The following TMEM132C variants were observed in gnomAD, a reference collection of about 807,000 sequenced individuals.
TMEM132C encodes the protein protein phosphatase 1, regulatory subunit 152.
In TMEM132C, 29 loss-of-function variants were observed where a neutral mutation model predicts 61.4. The ratio of observed to expected loss-of-function variants is 0.47; its 90% CI spans 0.35 to 0.64. The LOEUF is 0.64. Among genes scored for constraint, TMEM132C ranks in the 30% least tolerant of loss-of-function variants. TMEM132C has a pLI of 0.00. For missense variants in TMEM132C, 1,408 were observed against 1,476.9 expected (o/e 0.95, Z 0.76); for synonymous variants, 656 against 633.1 (o/e 1.04, Z -0.54).
At chr12:128,375,627 G>C (rs1190427699) in intron 1 of TMEM132C, among the ~76,000 whole-genome samples, 1 of 152,054 alleles carries the variant, frequency 6.6e-6, no homozygotes, top group Non-Finnish European at 1.5e-5. Flanking sequence ...TCGTGTTCCT[G>C]AACTAATTAC....
Position 128,449,547 on chromosome 12 carries a change from C to G in TMEM132C, c.974+33927C>G, listed in dbSNP as rs76498481. ...GATGACTTCTCCATTTGGACTGAAG[C>G]CAAGATGAAACCTCATCCTTGTCTG... On this transcript the variant is annotated intron_variant, in intron 2 of 8. Transcript: ENST00000435159. 2.2e-3 allele frequency among the ~76,000 whole-genome samples: 342 copies of G among 152,272 alleles called. 1 individual carries two copies. Among genetic ancestry groups the G allele is most frequent in the African/African-American group, 7.6e-3 (317 of 41,560 alleles).
At chr12:128,687,058 C>T (rs1426263019) in intron 5 of TMEM132C, among the ~76,000 whole-genome samples, 2 of 151,680 alleles carry the variant, frequency 1.3e-5, no homozygotes, top group Admixed American at 6.6e-5. Context: ...AAAAATTAGG[C>T]GGGCATGGTA....
rs1256661283 is a variant in TMEM132C at position 128,340,904 on chromosome 12, TTCTCTCTCTCTTTC to T, written c.85+73429_85+73442del. Among the ~76,000 whole-genome samples, 12 of 122,454 alleles carry T rather than the reference TTCTCTCTCTCTTTC, an allele frequency of 9.8e-5. 1 individual carries two copies. Among genetic ancestry groups the T allele is most frequent in the East Asian group, 4.7e-4 (2 of 4,282 alleles). The allele number at this position is 122,454 out of a possible 152,430, so 80.3% of individuals were successfully genotyped here. On this transcript the variant is annotated intron_variant, in intron 1 of 8. Transcript: ENST00000435159. ...TTTTTCTTTTTCTTTCTTTCTCTCT[TTCTCTCTCTCTTTC>T]TCTCTCTCTCTCTCTCTCTCTCTCT...
At chr12:128,669,278 A>G (rs1954506439) in intron 4 of TMEM132C, 139 bp from the exon 5 acceptor site, 2 of 860,154 alleles carry the variant, frequency 2.3e-6, no homozygotes, top group Non-Finnish European at 3.3e-6. Context: ...GTCCTGGTAC[A>G]GTATGTAAAT....
At chr12:128,361,210 C>T (rs1378976320) in intron 1 of TMEM132C, among the ~76,000 whole-genome samples, 6 of 152,068 alleles carry the variant, frequency 3.9e-5, no homozygotes, top group African/African-American at 1.2e-4. Context: ...CCTAGGTGGC[C>T]CAAGAATTTC....
chr12:128,569,196 G>A (rs1874794324), intron 3 of TMEM132C, among the ~76,000 whole-genome samples: 2 of 152,216 alleles, frequency 1.3e-5, no homozygotes, highest in Non-Finnish European at 2.9e-5. Flanking sequence ...ACAGTGAGCT[G>A]AGTTTGGGAC....
At chr12:128,361,069 C>T (rs1873693817) in intron 1 of TMEM132C, among the ~76,000 whole-genome samples, 1 of 152,136 alleles carries the variant, frequency 6.6e-6, no homozygotes, top group African/African-American at 2.4e-5. Context: ...GCTCATGGTG[C>T]AGGAGTTGGG....
intron 1 of TMEM132C, among the ~76,000 whole-genome samples, chr12:128,360,141 G>A (rs1368630162): frequency 6.6e-6 from 1 of 152,026 alleles, no homozygotes; most frequent in African/African-American, 2.4e-5. Context: ...CCAACATTGT[G>A]ATTGCTCTTG....
intron 2 of TMEM132C, among the ~76,000 whole-genome samples, chr12:128,525,402 C>G (rs1412911319): frequency 6.6e-6 from 1 of 151,818 alleles, no homozygotes; most frequent in East Asian, 1.9e-4. Context: ...ATGTTAATAG[C>G]TATAGCAACT....
At chr12:128,388,491 C>T (rs529477262) in intron 1 of TMEM132C, among the ~76,000 whole-genome samples, 33 of 152,380 alleles carry the variant, frequency 2.2e-4, no homozygotes, top group African/African-American at 7.2e-4. Context: ...CTTTTAACTG[C>T]TGTGTGTGCA....
At position 128,277,870 on chromosome 12, in the gene TMEM132C, T is replaced by C. The variant is rs145197782; in HGVS notation, c.85+10383T>C. On this transcript the variant is annotated intron_variant, in intron 1 of 8. Transcript: ENST00000435159. The stretch of plus-strand genomic sequence containing the variant: ...GTGGCCTTCTTTATCTCTCATCACA[T>C]CTCTACCTCTGGGTGGCTTTTCCTC... Among the ~76,000 whole-genome samples the C allele has an allele frequency of 2.6e-5, 4 of 152,170 alleles. No homozygotes were observed. In the East Asian group the frequency reaches 7.8e-4, roughly 30 times the overall value.
chr12:128,361,716 T>C lies in TMEM132C; in HGVS notation c.86-53016T>C, dbSNP rs186468659. Reference sequence around the variant, plus strand: ...CCTGTGGGAGGAGATGGAGACCATGTGCTTTCAATTCCTGGGCTCTTAACT... The same window carrying C: ...CCTGTGGGAGGAGATGGAGACCATGCGCTTTCAATTCCTGGGCTCTTAACT... On this transcript the variant is annotated intron_variant, in intron 1 of 8. Coordinates refer to ENST00000435159, the MANE Select transcript of TMEM132C (RefSeq NM_001136103.3). Among the ~76,000 whole-genome samples, 26 of 152,082 alleles carry C rather than the reference T, an allele frequency of 1.7e-4. No individual in the cohort carries two copies. The East Asian group carries it at 5.0e-3, about 29-fold the overall frequency.
chr12:128,679,998 C>T (rs540021910), intron 5 of TMEM132C, among the ~76,000 whole-genome samples: 1 of 152,098 alleles, frequency 6.6e-6, no homozygotes, highest in East Asian at 1.9e-4. Context: ...AGTGCAAAGG[C>T]CCCAGGGTAT....
At chr12:128,526,309 C>T (rs1169147993) in intron 2 of TMEM132C, among the ~76,000 whole-genome samples, 1 of 152,176 alleles carries the variant, frequency 6.6e-6, no homozygotes, top group Non-Finnish European at 1.5e-5. Flanking sequence ...AAGATCAAGC[C>T]ACCTGCAGCT....
chr12:128,448,512 T>A (rs1870067357), intron 2 of TMEM132C, among the ~76,000 whole-genome samples: 1 of 152,088 alleles, frequency 6.6e-6, no homozygotes, highest in Non-Finnish European at 1.5e-5. Context: ...CTGGGCTTGT[T>A]TGCATGGAAG....
chr12:128,308,444 A>G (rs1464511119), intron 1 of TMEM132C, among the ~76,000 whole-genome samples: 2 of 151,990 alleles, frequency 1.3e-5, no homozygotes, highest in African/African-American at 4.8e-5. Flanking sequence ...AGCCGATGGT[A>G]TTTAGGAAGG....
chr12:128,572,807 C>T (rs999183051), intron 3 of TMEM132C, among the ~76,000 whole-genome samples: 7 of 152,286 alleles, frequency 4.6e-5, no homozygotes, highest in African/African-American at 1.7e-4. Flanking sequence ...GGGTCACATG[C>T]CCACTTCTTG....
At chr12:128,421,100 A>G (rs139971595) in intron 2 of TMEM132C, among the ~76,000 whole-genome samples, 328 of 152,228 alleles carry the variant, frequency 2.2e-3, no homozygotes, top group Middle Eastern at 0.014. Flanking sequence ...CTGTCACCCA[A>G]CTGGCGTACA....
intron 3 of TMEM132C, among the ~76,000 whole-genome samples, chr12:128,601,787 G>A (rs191584722): frequency 3.3e-5 from 5 of 152,268 alleles, no homozygotes; most frequent in Admixed American, 2.6e-4. Flanking sequence ...GCCTTTTAAT[G>A]GAAATAACTT....
Sources: allele counts gnomAD v4.1 joint callset (sites outside exome capture counted in the v4.1 genomes callset), GRCh38; gene constraint gnomAD v4.1.1; transcripts MANE v1.5; gene names NCBI Gene and HGNC (gene_info 2026-07-23, HGNC 2026-07-21).